ZFAND3: variants seen among roughly 807,000 people sequenced by gnomAD.
The protein encoded by ZFAND3 is AN1-type zinc finger protein 3.
Under a neutral mutation model 29.6 loss-of-function variants are expected in ZFAND3, and 10 were observed. The observed-to-expected ratio is 0.34, with a 90% CI of 0.21 to 0.57. The LOEUF is 0.57. ZFAND3 is among the 20% of genes least tolerant of loss of function. ZFAND3 has a pLI of 0.86. For synonymous variants in ZFAND3, 128 were observed against 112.6 expected, an observed-to-expected ratio of 1.14 and a Z score of -0.87; for missense variants, 230 against 304.5, an observed-to-expected ratio of 0.76 and a Z score of 1.82.
At chr6:37,841,942 C>T (rs11965192) in intron 1 of ZFAND3, among the ~76,000 whole-genome samples, 32,473 of 151,954 alleles carry the variant, frequency 0.21, 4,251 homozygotes, top group African/African-American at 0.36. Flanking sequence ...ATTTATTGCT[C>T]ATAGTTCTGG....
chr6:38,102,784 T>C (rs1765119437), intron 4 of ZFAND3, among the ~76,000 whole-genome samples: 1 of 152,156 alleles, frequency 6.6e-6, no homozygotes, highest in African/African-American at 2.4e-5. Context: ...TGAGGCAGAG[T>C]CTTGCTCTGT....
At chr6:38,041,675 T>C (rs568129070) in intron 2 of ZFAND3, among the ~76,000 whole-genome samples, 424 of 22,016 alleles carry the variant, frequency 0.019, 3 homozygotes, top group South Asian at 0.052. Flanking sequence ...TTCTTCTTCT[T>C]CTTCTTCTTC....
chr6:37,986,534 G>A (rs1246850800), intron 2 of ZFAND3, among the ~76,000 whole-genome samples: 1 of 151,992 alleles, frequency 6.6e-6, no homozygotes, highest in Non-Finnish European at 1.5e-5. Context: ...GACATTTGTT[G>A]GTTTTTTTAT....
intron 1 of ZFAND3, among the ~76,000 whole-genome samples, chr6:37,876,947 C>G (rs1764804536): frequency 6.6e-6 from 1 of 152,140 alleles, no homozygotes; most frequent in Non-Finnish European, 1.5e-5. Context: ...ACTGTGGAGA[C>G]TCTGGAAATG....
chr6:38,114,052 A>C (rs1260912490), intron 4 of ZFAND3, among the ~76,000 whole-genome samples: 2 of 152,256 alleles, frequency 1.3e-5, no homozygotes, highest in Non-Finnish European at 2.9e-5. Flanking sequence ...TTTTAATCAT[A>C]GTAATAATGA....
At chr6:38,019,590 T>G (rs993025198) in intron 2 of ZFAND3, among the ~76,000 whole-genome samples, 15 of 152,256 alleles carry the variant, frequency 9.9e-5, no homozygotes, top group Non-Finnish European at 2.2e-4. Context: ...GGGGTTTTTT[T>G]GGGTCATTCT....
In ZFAND3 at chr6:38,002,116, TAAG is replaced by T. The variant is rs1192083934; in HGVS notation, c.113-59472_113-59470del. 2.6e-5 allele frequency among the ~76,000 whole-genome samples: 4 copies of T among 152,226 alleles called. No individual in the cohort carries two copies. The East Asian group carries it at 7.7e-4, about 29-fold the overall frequency. On this transcript the variant is annotated intron_variant, in intron 2 of 5. Transcript: ENST00000287218. ...AATACTCAAGAGATGTTGTTTTCCT[TAAG>T]AAGATATACTATAAATATTCATGCG... is the stretch of plus-strand genomic sequence containing the variant.
At chr6:37,893,398 A>C (rs1275055069) in intron 1 of ZFAND3, among the ~76,000 whole-genome samples, 2 of 152,240 alleles carry the variant, frequency 1.3e-5, no homozygotes, top group Non-Finnish European at 2.9e-5. Context: ...AAAAACATTC[A>C]ACAAACTATG....
At chr6:37,873,040 C>CCT in intron 1 of ZFAND3, among the ~76,000 whole-genome samples, 3 of 152,136 alleles carry the variant, frequency 2.0e-5, no homozygotes, top group East Asian at 1.9e-4. Flanking sequence ...GGGTGGATCA[C>CCT]GAGGTCAGGA....
intron 2 of ZFAND3, among the ~76,000 whole-genome samples, chr6:38,048,403 C>T (rs1169665282): frequency 2.6e-5 from 4 of 151,576 alleles, no homozygotes; most frequent in South Asian, 2.1e-4. Context: ...GGGCAGATCA[C>T]GAGGTCAGGA....
chr6:38,153,690 G>A lies in ZFAND3; in HGVS notation c.*1301G>A, dbSNP rs971528090. 5.1e-6 allele frequency: 5 copies of A among 985,184 alleles called. No individual in the cohort carries two copies. In the African/African-American group the frequency reaches 7.0e-5, roughly 14 times the overall value. 61.0% of individuals were successfully genotyped at this position (985,184 alleles called of 1,614,324 possible). On this transcript the variant is annotated 3_prime_UTR_variant, in exon 6 of 6. Transcript: ENST00000287218. ...GGTGGGGAAGGGTGGGGGTGGGCCT[G>A]GTTGCCCCATGTTAGGAAATCACTA...
At chr6:37,942,275 T>A (rs190629195) in intron 2 of ZFAND3, among the ~76,000 whole-genome samples, 5 of 135,334 alleles carry the variant, frequency 3.7e-5, no homozygotes, top group Admixed American at 2.1e-4. Context: ...ATATATATTT[T>A]TTTTTCTTTG....
intron 2 of ZFAND3, among the ~76,000 whole-genome samples, chr6:38,002,152 C>T (rs1322207355): frequency 6.6e-6 from 1 of 152,022 alleles, no homozygotes; most frequent in Non-Finnish European, 1.5e-5. Context: ...GCGTACTAAG[C>T]CTATAGAAAC....
At chr6:37,962,707 A>C (rs1762219050) in intron 2 of ZFAND3, among the ~76,000 whole-genome samples, 1 of 152,200 alleles carries the variant, frequency 6.6e-6, no homozygotes. Context: ...AATCAGCAGG[A>C]TGTGGGCGGG....
intron 1 of ZFAND3, among the ~76,000 whole-genome samples, chr6:37,878,089 C>T (rs760714239): frequency 2.0e-5 from 3 of 152,178 alleles, no homozygotes; most frequent in Non-Finnish European, 4.4e-5. Flanking sequence ...ATTTGCAATA[C>T]AGTGAGAGTT....
intron 1 of ZFAND3, among the ~76,000 whole-genome samples, chr6:37,875,871 A>G (rs990335275): frequency 2.7e-5 from 4 of 150,738 alleles, no homozygotes; most frequent in African/African-American, 4.9e-5. Flanking sequence ...AAATCTTACT[A>G]TGTTGCCCAG....
chr6:37,960,702 C>T (rs1035167444), intron 2 of ZFAND3, among the ~76,000 whole-genome samples: 1 of 152,172 alleles, frequency 6.6e-6, no homozygotes, highest in South Asian at 2.1e-4. Flanking sequence ...AGAAACTTCT[C>T]TCATCACAGT....
intron 2 of ZFAND3, among the ~76,000 whole-genome samples, chr6:38,026,303 T>C (rs1763445998): frequency 6.6e-6 from 1 of 152,166 alleles, no homozygotes; most frequent in Admixed American, 6.6e-5. Context: ...CCGTCTGTTT[T>C]AGCACTGTGA....
At chr6:38,133,332 T>C (rs1229628311) in intron 5 of ZFAND3, among the ~76,000 whole-genome samples, 1 of 152,220 alleles carries the variant, frequency 6.6e-6, no homozygotes, top group South Asian at 2.1e-4. Context: ...TTGAATACAC[T>C]GTGAGATCCC....
Sources: allele counts gnomAD v4.1 joint callset (sites outside exome capture counted in the v4.1 genomes callset), GRCh38; gene constraint gnomAD v4.1.1; transcripts MANE v1.5; gene names NCBI Gene and HGNC (gene_info 2026-07-23, HGNC 2026-07-21).